Variants in GLIS3 observed in about 807,000 individuals in gnomAD.
GLIS3 encodes zinc finger protein GLIS3.
In GLIS3, 53 loss-of-function variants were observed where a neutral mutation model predicts 78.6. That is an observed-to-expected ratio of 0.67 (90% confidence interval 0.54 to 0.85). The LOEUF (loss-of-function observed/expected upper bound fraction) is 0.85. Ranked by LOEUF, GLIS3 falls within the 40% of genes least tolerant of loss-of-function variation. The pLI, the probability that GLIS3 is intolerant of heterozygous loss-of-function variation, is 0.00. For missense variants in GLIS3, 1,703 were observed against 1,231.1 expected (o/e 1.38, Z -5.74); for synonymous variants, 684 against 509.9 (o/e 1.34, Z -4.60).
intron 8 of GLIS3, among the ~76,000 whole-genome samples, chr9:3,860,282 A>AAAAAAAAAAAGACTCTGTC (rs1820111941): frequency 1.0e-5 from 1 of 98,016 alleles, no homozygotes; most frequent in Non-Finnish European, 2.5e-5. Context: ...CAAAAAAAAA[A>AAAAAAAAAAAGACTCTGTC]AAAAAAAAAA....
intron 2 of GLIS3, among the ~76,000 whole-genome samples, chr9:4,225,738 T>A (rs1358152056): frequency 1.3e-5 from 2 of 152,224 alleles, no homozygotes; most frequent in Non-Finnish European, 2.9e-5. Context: ...TGCTAATGTA[T>A]GAGAGGGTGA....
chr9:4,078,647 T>C (rs2130683731), intron 4 of GLIS3, among the ~76,000 whole-genome samples: 1 of 152,248 alleles, frequency 6.6e-6, no homozygotes, highest in African/African-American at 2.4e-5. Flanking sequence ...ACCATTATGA[T>C]TGTGGTGCTG....
the GLIS3 span, among the ~76,000 whole-genome samples, chr9:4,450,082 G>T: frequency 6.6e-6 from 1 of 152,066 alleles, no homozygotes; most frequent in African/African-American, 2.4e-5. Flanking sequence ...CCCATCACAA[G>T]GAAGCTAAAA....
chr9:4,165,670 G>A lies in GLIS3; in HGVS notation c.389-39729C>T, dbSNP rs539720861. Among the ~76,000 whole-genome samples the A allele has an allele frequency of 2.2e-4, 34 of 152,308 alleles. 1 individual carries two copies. In the South Asian group the frequency reaches 6.8e-3, roughly 31 times the overall value. On this transcript the variant is annotated intron_variant, in intron 2 of 10. Transcript: ENST00000381971. ...GGGCGTCACTCCAGTCACCTAAGAT[G>A]CCACGTGGTTTTGAACAAGTTGAGT... is the stretch of plus-strand genomic sequence containing the variant.
intron 4 of GLIS3, among the ~76,000 whole-genome samples, chr9:4,061,724 A>T (rs534026669): frequency 1.6e-4 from 24 of 152,352 alleles, no homozygotes; most frequent in African/African-American, 5.3e-4. Context: ...ATGATAGCCA[A>T]CAACATGACG....
At position 3,828,016 on chromosome 9, in the gene GLIS3, G is replaced by T; in HGVS notation, c.*256C>A. The T allele has an allele frequency of 1.9e-6, 1 of 524,930 alleles. No homozygotes were observed. Among genetic ancestry groups the T allele is most frequent in the Non-Finnish European group, 3.4e-6 (1 of 290,720 alleles). The allele number at this position is 524,930 out of a possible 1,614,324, so 32.5% of individuals were successfully genotyped here. ...AGTAACAGGTATCCAGGAGAGTGAG[G>T]CTCTAAATTCCCTTTGAAAAGACAG... On this transcript the variant is annotated 3_prime_UTR_variant, in exon 11 of 11. Coordinates refer to ENST00000381971, the MANE Select transcript of GLIS3 (RefSeq NM_001042413.2).
chr9:3,883,460 A>C (rs1821869958), intron 7 of GLIS3, among the ~76,000 whole-genome samples: 1 of 152,222 alleles, frequency 6.6e-6, no homozygotes, highest in African/African-American at 2.4e-5. Context: ...AACCTCAGGA[A>C]GAAAATCTCC....
At chr9:4,213,856 G>T (rs1248993321) in intron 2 of GLIS3, among the ~76,000 whole-genome samples, 1 of 151,422 alleles carries the variant, frequency 6.6e-6, no homozygotes. Flanking sequence ...AGATATCAGG[G>T]TCACAGATCA....
chr9:4,242,990 C>T (rs937392990), intron 2 of GLIS3, among the ~76,000 whole-genome samples: 1 of 151,878 alleles, frequency 6.6e-6, no homozygotes, highest in African/African-American at 2.4e-5. Context: ...CAGAAAAGCT[C>T]TGCCTTGTAT....
intron 2 of GLIS3, among the ~76,000 whole-genome samples, chr9:4,175,117 G>A (rs548642507): frequency 1.8e-4 from 27 of 152,112 alleles, no homozygotes; most frequent in Non-Finnish European, 3.4e-4. Context: ...GTTATTTCCA[G>A]GACTTTCTGA....
chr9:3,890,440 C>T (rs1465388655), intron 7 of GLIS3, among the ~76,000 whole-genome samples: 1 of 152,108 alleles, frequency 6.6e-6, no homozygotes, highest in Non-Finnish European at 1.5e-5. Context: ...AGAAGGGGTT[C>T]TATTCACTGC....
chr9:4,283,188 G>C (rs568632460), intron 2 of GLIS3, among the ~76,000 whole-genome samples: 1 of 152,078 alleles, frequency 6.6e-6, no homozygotes, highest in East Asian at 1.9e-4. Context: ...TATAGCACAG[G>C]CCAGGAACCC....
chr9:4,221,680 G>A (rs1172703988), intron 2 of GLIS3, among the ~76,000 whole-genome samples: 1 of 152,070 alleles, frequency 6.6e-6, no homozygotes, highest in East Asian at 1.9e-4. Flanking sequence ...GTTACCAGGG[G>A]GTTATACCAG....
intron 7 of GLIS3, among the ~76,000 whole-genome samples, chr9:3,893,811 C>CTG (rs1159094763): frequency 6.6e-6 from 1 of 152,206 alleles, no homozygotes; most frequent in Non-Finnish European, 1.5e-5. Flanking sequence ...ATCAGAAACG[C>CTG]TGGGGGTAGG....
chr9:4,213,148 C>G (rs1319985108), intron 2 of GLIS3, among the ~76,000 whole-genome samples: 1 of 152,088 alleles, frequency 6.6e-6, no homozygotes, highest in African/African-American at 2.4e-5. Flanking sequence ...CTAGAATTGA[C>G]CAGGTAAAAC....
Position 4,286,177 on chromosome 9 carries a change from G to C in GLIS3, c.249C>G (p.Ala83=), listed in dbSNP as rs528442203. The C allele has an allele frequency of 6.2e-7, 1 of 1,614,232 alleles. No individual in the cohort carries two copies. Among genetic ancestry groups the C allele is most frequent in the South Asian group, 1.1e-5 (1 of 91,082 alleles). Residue 83 remains alanine (A), a synonymous_variant, in exon 2 of 11, where the codon GCC becomes GCG. Transcript: ENST00000381971. ...NVAESRIHLP[A]LSPRRQMLTN... is the part of the protein sequence containing the mutation. ...TGAGCATTTGTCTCCTGGGGCTTAA[G>C]GCAGGCAGATGGATGCGGCTCTCAG...
chr9:4,441,987 C>T, the GLIS3 span, among the ~76,000 whole-genome samples: 1,647 of 152,204 alleles, frequency 0.011, 29 homozygotes, highest in African/African-American at 0.037. Flanking sequence ...GGAAAAATTT[C>T]CTGTTCTTCA....
intron 4 of GLIS3, among the ~76,000 whole-genome samples, chr9:3,959,104 C>A (rs2839895): frequency 6.6e-6 from 1 of 152,102 alleles, no homozygotes; most frequent in South Asian, 2.1e-4. Context: ...GAAACCCCAC[C>A]CTCTAAGGTG....
intron 2 of GLIS3, among the ~76,000 whole-genome samples, chr9:4,162,756 C>T (rs1185127007): frequency 6.7e-6 from 1 of 149,562 alleles, no homozygotes; most frequent in East Asian, 2.0e-4. Context: ...AGTCAGGAGG[C>T]TGAGGCAGAA....
Sources: allele counts gnomAD v4.1 joint callset (sites outside exome capture counted in the v4.1 genomes callset), GRCh38; gene constraint gnomAD v4.1.1; transcripts MANE v1.5; gene names NCBI Gene and HGNC (gene_info 2026-07-23, HGNC 2026-07-21).